Variants in TRANK1 observed in about 807,000 individuals in gnomAD.
The protein encoded by TRANK1 is TPR and ankyrin repeat-containing protein 1.
TRANK1 carries 198 observed loss-of-function variants against 266.0 expected under a neutral mutation model. The ratio of observed to expected loss-of-function variants is 0.74; its 90% confidence interval spans 0.66 to 0.84. TRANK1 has a LOEUF of 0.84. Ranked by LOEUF, TRANK1 falls within the 40% of genes least tolerant of loss-of-function variation. The pLI is 0.00. For synonymous variants in TRANK1, 1,396 were observed against 1,384.1 expected, an observed-to-expected ratio of 1.01 and a Z score of -0.19; for missense variants, 3,326 against 3,634.6, an observed-to-expected ratio of 0.92 and a Z score of 2.18.
In TRANK1 at chr3:36,838,411, C is replaced by T; in HGVS notation, c.5478G>A (p.Glu1826=). The T allele has an allele frequency of 6.2e-7, 1 of 1,614,074 alleles. No homozygotes were observed. The highest frequency in any genetic ancestry group is 8.5e-7 in the Non-Finnish European group (1 of 1,179,908). ...LSLKCLSYAK[E]FQLSAQLCER... is the part of the protein sequence containing the mutation. ...CGCACAGCTGGGCAGAGAGCTGGAA[C>T]TCCTTGGCATAGCTCAGACACTTAA... The change falls in exon 20 of 24, where the codon GAG becomes GAA. Residue 1826 remains glutamate, a synonymous_variant. Coordinates refer to ENST00000645898, the MANE Select transcript of TRANK1 (RefSeq NM_001329998.2).
Position 36,925,067 on chromosome 3 carries a change from G to T in TRANK1, c.24-16613C>A, listed in dbSNP as rs1383559520. ...CCCCACACCATTCAGTGGCTGAAAGGGGGTAACCCAGGCACTCTCACACAA... is the reference window on the plus strand; with the variant it reads ...CCCCACACCATTCAGTGGCTGAAAGTGGGTAACCCAGGCACTCTCACACAA... On this transcript the variant is annotated intron_variant, in intron 1 of 23. Coordinates refer to ENST00000645898, the MANE Select transcript of TRANK1 (RefSeq NM_001329998.2). Among the ~76,000 whole-genome samples the T allele has an allele frequency of 2.0e-5, 3 of 152,274 alleles. No homozygotes were observed. In the East Asian group the frequency reaches 5.8e-4, roughly 29 times the overall value.
intron 20 of TRANK1, among the ~76,000 whole-genome samples, chr3:36,837,000 C>T (rs978683472): frequency 3.9e-5 from 6 of 152,186 alleles, no homozygotes; most frequent in Admixed American, 2.0e-4. Context: ...TCACCAAGGC[C>T]CTACTGATCT....
chr3:36,924,208 G>T (rs576988789), intron 1 of TRANK1, among the ~76,000 whole-genome samples: 2 of 152,340 alleles, frequency 1.3e-5, no homozygotes, highest in South Asian at 4.1e-4. Context: ...ATCACCCAGA[G>T]TGAGTACCTG....
chr3:36,860,075 TTGATAACACATA>T (rs1471313338), intron 11 of TRANK1, among the ~76,000 whole-genome samples: 1 of 152,194 alleles, frequency 6.6e-6, no homozygotes. Context: ...TTATGTGTTA[TTGATAACACATA>T]ATGTTTTTTC....
At chr3:36,884,160 GT>G in intron 8 of TRANK1, among the ~76,000 whole-genome samples, 1 of 152,268 alleles carries the variant, frequency 6.6e-6, no homozygotes, top group South Asian at 2.1e-4. Context: ...TAAACTCATG[GT>G]TTTTAACATA....
intron 17 of TRANK1, among the ~76,000 whole-genome samples, chr3:36,844,754 G>T (rs1031116506): frequency 6.6e-6 from 1 of 152,070 alleles, no homozygotes. Flanking sequence ...CAATAGTCAA[G>T]TCTTAGGATA....
intron 1 of TRANK1, among the ~76,000 whole-genome samples, chr3:36,916,727 G>A (rs1242756027): frequency 5.3e-5 from 8 of 152,126 alleles, no homozygotes; most frequent in Admixed American, 5.2e-4. Flanking sequence ...TGAACTCCAA[G>A]GCTTTTAGCC....
chr3:36,924,131 C>T (rs1200609065), intron 1 of TRANK1, among the ~76,000 whole-genome samples: 1 of 152,150 alleles, frequency 6.6e-6, no homozygotes, highest in Non-Finnish European at 1.5e-5. Context: ...TTCCCTTACC[C>T]ACTCCCTCTC....
intron 4 of TRANK1, among the ~76,000 whole-genome samples, chr3:36,898,477 T>C (rs1016031966): frequency 6.7e-6 from 1 of 149,838 alleles, no homozygotes; most frequent in Non-Finnish European, 1.5e-5. Flanking sequence ...AAAAGAAAAA[T>C]TACAGGAAAG....
At chr3:36,885,666 C>T (rs2079592487) in intron 8 of TRANK1, among the ~76,000 whole-genome samples, 1 of 152,190 alleles carries the variant, frequency 6.6e-6, no homozygotes, top group Admixed American at 6.5e-5. Context: ...TCCTGAGTAG[C>T]TAGGACTACA....
At chr3:36,844,924 G>A (rs1350209130) in intron 17 of TRANK1, among the ~76,000 whole-genome samples, 1 of 152,006 alleles carries the variant, frequency 6.6e-6, no homozygotes, top group African/African-American at 2.4e-5. Flanking sequence ...GAGACGACTT[G>A]ACAACTAACC....
At position 36,944,983 on chromosome 3, in the gene TRANK1, A is replaced by G. The variant is rs1346527312; in HGVS notation, c.-174T>C. The stretch of plus-strand genomic sequence containing the variant: ...CCAGCTGCCTGCGGCTCGGCTACCC[A>G]GCCGCGATCAGAGGGGGCGGGGGAC... On this transcript the variant is annotated 5_prime_UTR_variant, in exon 1 of 24. Coordinates refer to ENST00000645898, the MANE Select transcript of TRANK1 (RefSeq NM_001329998.2). The G allele has an allele frequency of 3.7e-6, 2 of 543,746 alleles. No homozygotes were observed. Among genetic ancestry groups the G allele is most frequent in the Non-Finnish European group, 3.0e-6 (1 of 333,430 alleles). The allele number at this position is 543,746 out of a possible 1,614,324, so 33.7% of individuals were successfully genotyped here. A position where few individuals can be genotyped will look rare whatever the true frequency, so the allele number is the denominator to read the frequency against.
intron 9 of TRANK1, among the ~76,000 whole-genome samples, 163 bp from the exon 10 acceptor site, chr3:36,864,643 C>T (rs1478791511): frequency 6.6e-6 from 1 of 152,216 alleles, no homozygotes; most frequent in Non-Finnish European, 1.5e-5. Context: ...CTCCACCCTC[C>T]CCTGATTCTG....
intron 1 of TRANK1, among the ~76,000 whole-genome samples, chr3:36,909,122 G>A (rs918941146): frequency 6.6e-6 from 1 of 152,146 alleles, no homozygotes; most frequent in African/African-American, 2.4e-5. Context: ...AATAAGCCTT[G>A]AAATATTTGT....
rs1559449935 is a variant in TRANK1, at chr3:36,880,082, A to AAACATGCAAATATATG, written c.908-5787_908-5786insCATATATTTGCATGTT. The AAACATGCAAATATATG allele has an allele frequency of 1.9e-4, 17 of 90,556 alleles. 5 individuals are homozygous for AAACATGCAAATATATG. The highest frequency in any genetic ancestry group is 2.6e-4 in the Admixed American group (2 of 7,760). The allele number at this position is 90,556 out of a possible 1,614,324, so 5.6% of individuals were successfully genotyped here. ...AATATATGTAAACATGCAAATATAT[A>AAACATGCAAATATATG]TAAACATATATAAATATATATAAAC... is the stretch of plus-strand genomic sequence containing the variant. On this transcript the variant is annotated intron_variant, in intron 8 of 23. Transcript: ENST00000645898.
rs771726783 is a variant in TRANK1 at position 36,855,673 on chromosome 3, A to C, written c.4049T>G (p.Ile1350Arg). ...AYNPALIWKE[I>R]KSFLKGSFEA... ...AAAAGAACCCTTTAGAAAAGATTTT[A>C]TTTCTTTCCAAATCAGTGCAGGGTT... The change falls in exon 13 of 24, where the codon ATA (isoleucine) becomes AGA (arginine). Residue 1350 changes from isoleucine (I) to arginine (R), a missense_variant. Ile to Arg is a moderately conservative substitution (Grantham distance 97). Coordinates refer to ENST00000645898, the MANE Select transcript of TRANK1 (RefSeq NM_001329998.2). 1.4e-5 allele frequency: 22 copies of C among 1,613,570 alleles called. No individual in the cohort carries two copies. Among genetic ancestry groups the C allele is most frequent in the Non-Finnish European group, 1.8e-5 (21 of 1,179,840 alleles).
In TRANK1 at chr3:36,858,859, G is replaced by C. The variant is rs1453309128; in HGVS notation, c.1531C>G (p.Pro511Ala). ...TCATGTTTCAGGCACGTGACAACTGGCCTCTCCTGGCTCTCCTGAAGACCA... is the reference window on the plus strand; with the variant it reads ...TCATGTTTCAGGCACGTGACAACTGCCCTCTCCTGGCTCTCCTGAAGACCA... ...PDGLQESQER[P>A]VVTCLKHEDF... The change falls in exon 12 of 24, where the codon CCA (proline) becomes GCA (alanine). Residue 511 changes from proline (P) to alanine (A), a missense_variant. By Grantham distance (27) the Pro-to-Ala change is conservative (BLOSUM62 -1). Transcript: ENST00000645898. 5 of 1,536,960 alleles carry C rather than the reference G, an allele frequency of 3.3e-6. No individual in the cohort carries two copies. The East Asian group carries it at 1.2e-4, about 38-fold the overall frequency.
At chr3:36,874,704 G>GA (rs1263634886) in intron 8 of TRANK1, among the ~76,000 whole-genome samples, 1 of 152,128 alleles carries the variant, frequency 6.6e-6, no homozygotes, top group Non-Finnish European at 1.5e-5. Context: ...GACAGGACAT[G>GA]AAAGCGGTGA....
rs1267364831 is a variant in TRANK1, at chr3:36,826,870, G to T, written c.*1405C>A. 1 of 152,072 alleles carries T rather than the reference G, an allele frequency of 6.6e-6. No individual in the cohort carries two copies. Among genetic ancestry groups the T allele is most frequent in the Non-Finnish European group, 1.5e-5 (1 of 68,008 alleles). 9.4% of individuals were successfully genotyped at this position (152,072 alleles called of 1,614,324 possible). A position where few individuals can be genotyped will look rare whatever the true frequency, so the allele number is the denominator to read the frequency against. ...AAATGTGATAATACAGCAAGATATT[G>T]TTGGGGTTTTCTTTTTTTCTGTCAA... On this transcript the variant is annotated 3_prime_UTR_variant, in exon 24 of 24. Transcript: ENST00000645898.
Sources: gnomAD v4.1 joint callset for allele counts (sites outside exome capture counted in the v4.1 genomes callset) on GRCh38, gnomAD v4.1.1 for gene constraint, MANE v1.5 for transcripts, NCBI Gene and HGNC (gene_info 2026-07-23, HGNC 2026-07-21) for gene names.